Variants in NPAS3 observed in about 807,000 individuals in gnomAD.
NPAS3 encodes neuronal PAS domain protein 3.
A neutral mutation model predicts 73.1 loss-of-function variants in NPAS3; 14 were observed. That is an observed-to-expected ratio of 0.19 (90% CI 0.13 to 0.30). The LOEUF (loss-of-function observed/expected upper bound fraction) is 0.30. Among genes scored for constraint, NPAS3 ranks in the 10% least tolerant of loss-of-function variants. The probability of loss-of-function intolerance (pLI) is 1.00; values close to 1 mark genes in which losing one functional copy is unlikely to be tolerated. For missense variants in NPAS3, 1,096 were observed against 1,250.0 expected (o/e 0.88, Z 1.86); for synonymous variants, 620 against 541.5 (o/e 1.14, Z -2.01).
chr14:33,075,032 T>C (rs577058201), intron 2 of NPAS3, among the ~76,000 whole-genome samples: 1 of 152,230 alleles, frequency 6.6e-6, no homozygotes, highest in Non-Finnish European at 1.5e-5. Context: ...TCTTGAAAGG[T>C]GTTCCATTGT....
chr14:33,151,718 A>G (rs1383454614), intron 2 of NPAS3, among the ~76,000 whole-genome samples: 7 of 152,244 alleles, frequency 4.6e-5, no homozygotes, highest in African/African-American at 1.4e-4. Context: ...CATATTTAGT[A>G]GATCACATTC....
At chr14:33,643,931 G>A (rs979088218) in intron 5 of NPAS3, among the ~76,000 whole-genome samples, 5 of 151,758 alleles carry the variant, frequency 3.3e-5, no homozygotes, top group Non-Finnish European at 5.9e-5. Context: ...CATTTCTCTT[G>A]TATATGATTG....
intron 7 of NPAS3, among the ~76,000 whole-genome samples, chr14:33,771,870 C>T (rs1296739050): frequency 1.3e-5 from 2 of 152,052 alleles, no homozygotes; most frequent in Non-Finnish European, 2.9e-5. Context: ...TGTGAATATG[C>T]ACACAGGTAT....
At chr14:33,577,663 G>A (rs966594534) in intron 5 of NPAS3, among the ~76,000 whole-genome samples, 9 of 152,168 alleles carry the variant, frequency 5.9e-5, no homozygotes, top group Non-Finnish European at 1.3e-4. Flanking sequence ...CTCCTGCTGG[G>A]GTGACGGGGT....
At chr14:33,464,538 C>T (rs768073291) in intron 4 of NPAS3, among the ~76,000 whole-genome samples, 7 of 152,090 alleles carry the variant, frequency 4.6e-5, no homozygotes, top group Admixed American at 1.3e-4. Context: ...TTTGAGAGAT[C>T]GACCCCTCCT....
chr14:33,575,357 A>G (rs928833492), intron 5 of NPAS3, among the ~76,000 whole-genome samples: 1 of 152,158 alleles, frequency 6.6e-6, no homozygotes, highest in Non-Finnish European at 1.5e-5. Flanking sequence ...TTGAGAAAGT[A>G]TTTTCTGTAA....
At chr14:33,586,030 C>T (rs1028139020) in intron 5 of NPAS3, 1 of 151,852 alleles carries the variant, frequency 6.6e-6, no homozygotes, top group African/African-American at 2.4e-5. Context: ...CATTTAGAAT[C>T]GGGTGAGTGG....
chr14:33,272,377 T>C (rs1288272610), intron 3 of NPAS3, among the ~76,000 whole-genome samples: 2 of 152,160 alleles, frequency 1.3e-5, no homozygotes, highest in African/African-American at 4.8e-5. Flanking sequence ...ATCTTAAGTA[T>C]CTCTTAGAAG....
At chr14:33,638,174 G>A (rs546872316) in intron 5 of NPAS3, among the ~76,000 whole-genome samples, 12 of 152,088 alleles carry the variant, frequency 7.9e-5, no homozygotes, top group East Asian at 5.8e-4. Flanking sequence ...GTTTGAATTC[G>A]GTCTAATCAA....
chr14:32,937,479 C>T (rs2035733106), upstream of NPAS3, among the ~76,000 whole-genome samples: 1 of 152,038 alleles, frequency 6.6e-6, no homozygotes, highest in Non-Finnish European at 1.5e-5. Flanking sequence ...GCAACTTTTT[C>T]CCTTCTCTGC....
chr14:33,267,832 G>A (rs1157752048), intron 3 of NPAS3, among the ~76,000 whole-genome samples: 1 of 152,146 alleles, frequency 6.6e-6, no homozygotes, highest in Non-Finnish European at 1.5e-5. Flanking sequence ...ATGCAGAGGA[G>A]TGCTATCGGC....
chr14:33,182,485 CAAAT>C (rs1456748304), intron 2 of NPAS3, among the ~76,000 whole-genome samples: 1 of 152,044 alleles, frequency 6.6e-6, no homozygotes, highest in African/African-American at 2.4e-5. Flanking sequence ...AAGGTTGTAA[CAAAT>C]AAAACAAGTG....
intron 1 of NPAS3, among the ~76,000 whole-genome samples, chr14:32,945,754 G>T (rs910738179): frequency 6.6e-6 from 1 of 152,186 alleles, no homozygotes; most frequent in African/African-American, 2.4e-5. Context: ...GAGAAATACA[G>T]TGTTTATGAA....
intron 8 of NPAS3, 88 bp from the exon 9 acceptor site, chr14:33,778,378 T>A: frequency 1.1e-6 from 1 of 920,378 alleles, no homozygotes; most frequent in East Asian, 2.5e-5. Flanking sequence ...TATAATGAAA[T>A]GTGTCAGTAG....
intron 1 of NPAS3, among the ~76,000 whole-genome samples, chr14:32,989,617 C>G (rs1211532054): frequency 6.6e-6 from 1 of 151,986 alleles, no homozygotes; most frequent in Non-Finnish European, 1.5e-5. Context: ...TGCACTCCAG[C>G]CTGGGCGACA....
intron 4 of NPAS3, among the ~76,000 whole-genome samples, chr14:33,454,385 C>T (rs1418269392): frequency 6.6e-6 from 1 of 152,150 alleles, no homozygotes; most frequent in Admixed American, 6.5e-5. Context: ...GGTTTCTTAA[C>T]TTTCTGTGGC....
intron 4 of NPAS3, among the ~76,000 whole-genome samples, chr14:33,440,949 A>G (rs1312169258): frequency 6.6e-6 from 1 of 151,798 alleles, no homozygotes; most frequent in African/African-American, 2.4e-5. Flanking sequence ...TTACAAGCAC[A>G]TCTTTTATAT....
At chr14:33,262,592 T>C (rs2049014960) in intron 3 of NPAS3, among the ~76,000 whole-genome samples, 1 of 152,218 alleles carries the variant, frequency 6.6e-6, no homozygotes, top group African/African-American at 2.4e-5. Flanking sequence ...TTTTCCACAA[T>C]TATTCATGGC....
chr14:33,262,471 T>C (rs779791629), intron 3 of NPAS3, among the ~76,000 whole-genome samples: 3 of 152,216 alleles, frequency 2.0e-5, no homozygotes, highest in African/African-American at 4.8e-5. Context: ...CCTTGATTCA[T>C]TGAAATTAGG....
Sources: gnomAD v4.1 joint callset for allele counts (sites outside exome capture counted in the v4.1 genomes callset) on GRCh38, gnomAD v4.1.1 for gene constraint, MANE v1.5 for transcripts, NCBI Gene and HGNC (gene_info 2026-07-23, HGNC 2026-07-21) for gene names.